Variants in C1QTNF3 observed in about 807,000 individuals in gnomAD.
The protein encoded by C1QTNF3 is C1q and TNF related 3.
In C1QTNF3, 26 loss-of-function variants were observed where a neutral mutation model predicts 32.6. The observed-to-expected ratio is 0.80, with a 90% CI of 0.58 to 1.11. The LOEUF is 1.11. Among genes scored for constraint, C1QTNF3 ranks in the 50% least tolerant of loss-of-function variants. The pLI, the probability that C1QTNF3 is intolerant of heterozygous loss-of-function variation, is 0.00. For missense variants in C1QTNF3, 362 were observed against 398.2 expected, an observed-to-expected ratio of 0.91 and a Z score of 0.77; for synonymous variants, 155 against 146.0, an observed-to-expected ratio of 1.06 and a Z score of -0.44.
chr5:34,163,440 T>C, the C1QTNF3 span, among the ~76,000 whole-genome samples: 1 of 150,436 alleles, frequency 6.6e-6, no homozygotes, highest in Non-Finnish European at 1.5e-5. Context: ...ATTATATTTG[T>C]ATTTTAATAT....
At chr5:34,235,902 C>G in the C1QTNF3 span, among the ~76,000 whole-genome samples, 1 of 152,242 alleles carries the variant, frequency 6.6e-6, no homozygotes, top group Non-Finnish European at 1.5e-5. Context: ...TTAAACAGAA[C>G]AGAAGTTTCA....
At chr5:34,022,350 G>A (rs1378736730) in intron 5 of C1QTNF3, among the ~76,000 whole-genome samples, 1 of 152,144 alleles carries the variant, frequency 6.6e-6, no homozygotes, top group South Asian at 2.1e-4. Context: ...AGAGAGCCTC[G>A]AGGAGGCCCT....
At chr5:34,175,036 CG>C in the C1QTNF3 span, among the ~76,000 whole-genome samples, 1 of 151,164 alleles carries the variant, frequency 6.6e-6, no homozygotes, top group Non-Finnish European at 1.5e-5. Flanking sequence ...CATGAGCCAC[CG>C]TGCCCAGCTC....
chr5:34,188,930 G>T, the C1QTNF3 span, among the ~76,000 whole-genome samples: 1 of 151,702 alleles, frequency 6.6e-6, no homozygotes, highest in Non-Finnish European at 1.5e-5. Flanking sequence ...TCAAGGGTGG[G>T]GCCAGGTGGA....
chr5:34,244,488 G>C, the C1QTNF3 span: 2 of 152,192 alleles, frequency 1.3e-5, no homozygotes, highest in African/African-American at 2.4e-5. Flanking sequence ...CCATTTCATA[G>C]AGAGCTGATG....
chr5:34,171,044 C>A, the C1QTNF3 span, among the ~76,000 whole-genome samples: 1 of 151,680 alleles, frequency 6.6e-6, no homozygotes, highest in Non-Finnish European at 1.5e-5. Context: ...AAATGGGTTC[C>A]AGGCACACAC....
chr5:34,120,664 TTTATA>T, the C1QTNF3 span, among the ~76,000 whole-genome samples: 2 of 152,056 alleles, frequency 1.3e-5, no homozygotes. Context: ...ATCTGATGGT[TTTATA>T]AAGAGGTGTT....
At chr5:34,200,488 G>A in the C1QTNF3 span, 1 of 151,910 alleles carries the variant, frequency 6.6e-6, no homozygotes, top group Non-Finnish European at 1.5e-5. Flanking sequence ...CAATTTTGCA[G>A]TATCCCTTCT....
the C1QTNF3 span, among the ~76,000 whole-genome samples, chr5:34,229,718 T>C: frequency 2.0e-5 from 3 of 152,198 alleles, no homozygotes; most frequent in Non-Finnish European, 4.4e-5. Flanking sequence ...GGAACTGTTA[T>C]GAACTGAATA....
chr5:34,095,720 G>C, the C1QTNF3 span, among the ~76,000 whole-genome samples: 1 of 151,990 alleles, frequency 6.6e-6, no homozygotes, highest in African/African-American at 2.4e-5. Context: ...GACTTGGATA[G>C]AACTTGCAAG....
the C1QTNF3 span, among the ~76,000 whole-genome samples, chr5:34,239,708 G>A: frequency 3.3e-5 from 5 of 152,084 alleles, no homozygotes; most frequent in African/African-American, 4.8e-5. Flanking sequence ...CAACACCCCC[G>A]CTGGCAGCAT....
the C1QTNF3 span, among the ~76,000 whole-genome samples, chr5:34,052,607 T>C: frequency 2.0e-5 from 3 of 152,248 alleles, no homozygotes; most frequent in Non-Finnish European, 2.9e-5. Context: ...TCCTCATTAG[T>C]AGGATGAGGC....
Position 34,026,044 on chromosome 5 carries a change from A to C in C1QTNF3, c.701-2036T>G, listed in dbSNP as rs558504763. ...AAAATCTGACAGGGCCACTGCCTCC[A>C]TCAGAAGTTGCTTCCTTTTAATTCT... On this transcript the variant is annotated intron_variant, in intron 4 of 5. Coordinates refer to ENST00000382065, the MANE Select transcript of C1QTNF3 (RefSeq NM_181435.6). Among the ~76,000 whole-genome samples, 8 of 152,360 alleles carry C rather than the reference A, an allele frequency of 5.3e-5. No individual in the cohort carries two copies. In the East Asian group the frequency reaches 1.5e-3, roughly 29 times the overall value.
At chr5:34,043,250 G>A, upstream of C1QTNF3, 3 of 1,026,606 alleles carry the variant, frequency 2.9e-6, no homozygotes, top group Non-Finnish European at 4.2e-6. Flanking sequence ...ATACTTTGGT[G>A]TGTAATAAAT....
the C1QTNF3 span, among the ~76,000 whole-genome samples, chr5:34,178,381 C>G: frequency 6.6e-6 from 1 of 152,210 alleles, no homozygotes; most frequent in Non-Finnish European, 1.5e-5. Flanking sequence ...GCAGAAGTGT[C>G]ATTCTGTAAG....
the C1QTNF3 span, among the ~76,000 whole-genome samples, chr5:34,244,433 G>A: frequency 6.6e-6 from 1 of 152,164 alleles, no homozygotes; most frequent in African/African-American, 2.4e-5. Context: ...TCTGGCAGCC[G>A]CTTTTCTTCC....
chr5:34,202,309 T>C, the C1QTNF3 span, among the ~76,000 whole-genome samples: 1 of 151,416 alleles, frequency 6.6e-6, no homozygotes, highest in Non-Finnish European at 1.5e-5. Context: ...GGAACCTATA[T>C]TACTCTCGCA....
At chr5:34,143,217 T>C in the C1QTNF3 span, among the ~76,000 whole-genome samples, 1 of 152,060 alleles carries the variant, frequency 6.6e-6, no homozygotes, top group South Asian at 2.1e-4. Context: ...CAGGCTTAAT[T>C]AGACAAAAAA....
At chr5:34,141,639 C>T in the C1QTNF3 span, among the ~76,000 whole-genome samples, 1 of 152,054 alleles carries the variant, frequency 6.6e-6, no homozygotes, top group Admixed American at 6.5e-5. Flanking sequence ...CAAAAAAAGA[C>T]TAATATTGCA....
Sources: gnomAD v4.1 joint callset for allele counts (sites outside exome capture counted in the v4.1 genomes callset) on GRCh38, gnomAD v4.1.1 for gene constraint, MANE v1.5 for transcripts, NCBI Gene and HGNC (gene_info 2026-07-23, HGNC 2026-07-21) for gene names.